The following UGT1A5 variants were observed in gnomAD, a reference collection of about 807,000 sequenced individuals.
UGT1A5 encodes UDP-glucuronosyltransferase 1A5.
Under a neutral mutation model 40.3 loss-of-function variants are expected in UGT1A5, and 29 were observed. That is an observed-to-expected ratio of 0.72 (90% confidence interval 0.54 to 0.98). The LOEUF is 0.98. Ranked by LOEUF, UGT1A5 falls within the 50% of genes least tolerant of loss-of-function variation. The pLI, the probability that UGT1A5 is intolerant of heterozygous loss-of-function variation, is 0.00. For synonymous variants in UGT1A5, 257 were observed against 262.5 expected, an observed-to-expected ratio of 0.98 and a Z score of 0.20; for missense variants, 678 against 677.9, an observed-to-expected ratio of 1.00 and a Z score of 0.00.
intron 1 of UGT1A5, among the ~76,000 whole-genome samples, chr2:233,758,886 A>G (rs1359605259): frequency 6.6e-6 from 1 of 152,236 alleles, no homozygotes; most frequent in African/African-American, 2.4e-5. Context: ...TCCATGGTCA[A>G]TAAATACAAA....
intron 1 of UGT1A5, chr2:233,719,195 T>C (rs538577466): frequency 1.4e-5 from 23 of 1,614,258 alleles, no homozygotes; most frequent in Admixed American, 1.2e-4. Context: ...TGGCCCTTCA[T>C]AGGTGTTGTG....
chr2:233,763,230 T>C (rs1698265609), intron 1 of UGT1A5, among the ~76,000 whole-genome samples: 1 of 152,252 alleles, frequency 6.6e-6, no homozygotes, highest in African/African-American at 2.4e-5. Context: ...AATATGTTTT[T>C]AAATTGTACC....
chr2:233,737,891 T>A (rs1690616471), intron 1 of UGT1A5, among the ~76,000 whole-genome samples: 1 of 152,132 alleles, frequency 6.6e-6, no homozygotes, highest in African/African-American at 2.4e-5. Flanking sequence ...AAAGCTAATT[T>A]TCGAGTGTGG....
intron 1 of UGT1A5, chr2:233,719,622 C>T: frequency 4.3e-6 from 7 of 1,614,034 alleles, no homozygotes; most frequent in Non-Finnish European, 5.9e-6. Flanking sequence ...CTACCCCAGG[C>T]CGATCATGCC....
chr2:233,715,985 CACA>C (rs577493897), intron 1 of UGT1A5, among the ~76,000 whole-genome samples: 32 of 152,180 alleles, frequency 2.1e-4, no homozygotes, highest in Non-Finnish European at 4.4e-4. Context: ...TGATTTAAAA[CACA>C]ACAAAACCCA....
chr2:233,759,453 T>C (rs1697142782), intron 1 of UGT1A5, among the ~76,000 whole-genome samples: 1 of 152,190 alleles, frequency 6.6e-6, no homozygotes, highest in Non-Finnish European at 1.5e-5. Context: ...CAGGCCCAGT[T>C]AGCCACTCAA....
intron 1 of UGT1A5, chr2:233,755,622 G>A (rs28900393): frequency 0.029 from 4,678 of 158,830 alleles, 229 homozygotes; most frequent in African/African-American, 0.11. Context: ...TCTTAAAGTA[G>A]GCTTTATATC....
At position 233,712,935 on chromosome 2, in the gene UGT1A5, C is replaced by G; in HGVS notation, c.-57C>G. 6.2e-7 allele frequency: 1 copy of G among 1,612,232 alleles called. No homozygotes were observed. The highest frequency in any genetic ancestry group is 2.2e-5 in the East Asian group (1 of 44,870). ...GACAAGGTAATTAAGACGAAGGAAA[C>G]AATTCTAGGAGGCACAACGTGGGGT... is the stretch of plus-strand genomic sequence containing the variant. On this transcript the variant is annotated 5_prime_UTR_variant, in exon 1 of 5. Transcript: ENST00000373414.
At chr2:233,730,577 T>C (rs1559376049) in intron 1 of UGT1A5, among the ~76,000 whole-genome samples, 1 of 152,254 alleles carries the variant, frequency 6.6e-6, no homozygotes, top group East Asian at 1.9e-4. Context: ...AAGTTCAGTT[T>C]CCAGACAGGG....
At chr2:233,717,415 G>A (rs565971108) in intron 1 of UGT1A5, among the ~76,000 whole-genome samples, 4 of 152,300 alleles carry the variant, frequency 2.6e-5, no homozygotes, top group African/African-American at 9.6e-5. Flanking sequence ...TGCCTCCCTT[G>A]AGCTGGGTGT....
At chr2:233,731,452 C>A (rs2078164427) in intron 1 of UGT1A5, among the ~76,000 whole-genome samples, 1 of 152,066 alleles carries the variant, frequency 6.6e-6, no homozygotes. Context: ...CACCCCACAA[C>A]AGGCCCTGGC....
In UGT1A5 at chr2:233,723,244, C is replaced by T. The variant is rs1231451860; in HGVS notation, c.867+9386C>T. On this transcript the variant is annotated intron_variant, in intron 1 of 4. Transcript: ENST00000373414. ...TTTTTTTTTTTGAGTTGGAGTCCTG[C>T]TGTCACCCAGGCTGGAGTGCAATGG... Among the ~76,000 whole-genome samples the T allele has an allele frequency of 1.8e-5, 2 of 112,620 alleles. 1 individual carries two copies. Among genetic ancestry groups the T allele is most frequent in the East Asian group, 4.7e-4 (2 of 4,276 alleles). 73.9% of individuals were successfully genotyped at this position (112,620 alleles called of 152,430 possible).
rs377755645 is a variant in UGT1A5, at chr2:233,743,742, C to T, written c.868-23292C>T. The T allele has an allele frequency of 2.5e-5, 34 of 1,367,276 alleles. No homozygotes were observed. In the South Asian group the frequency reaches 3.5e-4, roughly 14 times the overall value. The allele number at this position is 1,367,276 out of a possible 1,614,324, so 84.7% of individuals were successfully genotyped here. On this transcript the variant is annotated intron_variant, in intron 1 of 4. Coordinates refer to ENST00000373414, the MANE Select transcript of UGT1A5 (RefSeq NM_019078.2). ...CGGTCATAGATATCGCGTTTCTTGG[C>T]GTCCGACAACACCTCGTAGGCCTCG...
chr2:233,755,378 C>T (rs2125935029), intron 1 of UGT1A5: 1 of 351,540 alleles, frequency 2.8e-6, no homozygotes, highest in South Asian at 2.3e-5. Context: ...GAGGGCCGCC[C>T]CTTATGACGC....
At chr2:233,720,463 G>A (rs2076862046) in intron 1 of UGT1A5, among the ~76,000 whole-genome samples, 1 of 152,124 alleles carries the variant, frequency 6.6e-6, no homozygotes, top group African/African-American at 2.4e-5. Flanking sequence ...GCTGGGACCA[G>A]TGATGAATGG....
At chr2:233,748,111 T>C (rs1693869391) in intron 1 of UGT1A5, 3 of 1,612,162 alleles carry the variant, frequency 1.9e-6, no homozygotes, top group Non-Finnish European at 2.5e-6. Flanking sequence ...CAATCAATGT[T>C]CCAGGCAAAA....
chr2:233,721,491 G>A (rs1273108761), intron 1 of UGT1A5: 2 of 174,316 alleles, frequency 1.1e-5, no homozygotes, highest in East Asian at 1.8e-4. Flanking sequence ...TATTATTTTA[G>A]TTTAATTGCA....
chr2:233,752,781 C>T (rs1162563529), intron 1 of UGT1A5, among the ~76,000 whole-genome samples: 1 of 152,170 alleles, frequency 6.6e-6, no homozygotes, highest in African/African-American at 2.4e-5. Flanking sequence ...AATAACCAAA[C>T]AAGCTTTACA....
At chr2:233,724,088 C>T (rs1463645375) in intron 1 of UGT1A5, among the ~76,000 whole-genome samples, 27 of 104,412 alleles carry the variant, frequency 2.6e-4, no homozygotes, top group African/African-American at 6.1e-4. Context: ...AGGGGCTCCT[C>T]ACTTCCCAGT....
Sources: allele counts gnomAD v4.1 joint callset (sites outside exome capture counted in the v4.1 genomes callset), GRCh38; gene constraint gnomAD v4.1.1; transcripts MANE v1.5; gene names NCBI Gene and HGNC (gene_info 2026-07-23, HGNC 2026-07-21).